The following GGT5 variants were observed in gnomAD, a reference collection of about 807,000 sequenced individuals.
GGT5 encodes the protein glutathione hydrolase 5 proenzyme.
A neutral mutation model predicts 58.1 loss-of-function variants in GGT5; 50 were observed. That is an observed-to-expected ratio of 0.86 (90% CI 0.69 to 1.09). GGT5 has a LOEUF of 1.09. Ranked by LOEUF, GGT5 falls within the 50% of genes least tolerant of loss-of-function variation. The pLI is 0.00. For missense variants in GGT5, 800 were observed against 789.4 expected (o/e 1.01, Z -0.16); for synonymous variants, 370 against 346.1 (o/e 1.07, Z -0.77).
At chr22:24,233,746 A>G (rs2048019541) in intron 2 of GGT5, 128 bp downstream of exon 2, 2 of 986,232 alleles carry the variant, frequency 2.0e-6, no homozygotes, top group Non-Finnish European at 3.1e-6. Context: ...GCTGAGGCAA[A>G]TGGGGCAGGG....
rs915915007 is a variant in GGT5, at chr22:24,244,718, C to T, written c.8G>A (p.Arg3Gln). Residue 3 changes from arginine (R) to glutamine (Q), a missense_variant, in exon 1 of 12, where the codon CGG (arginine) becomes CAG (glutamine). Transcript: ENST00000327365. MA[R>Q]GYGATVSLVL... ...TAGGCTGACCGTGGCCCCGTAGCCC[C>T]GGGCCATGGCTCTGCAGCCCAGGAG... is the stretch of plus-strand genomic sequence containing the variant. 24 of 1,608,772 alleles carry T rather than the reference C, an allele frequency of 1.5e-5. No individual in the cohort carries two copies. Among genetic ancestry groups the T allele is most frequent in the Non-Finnish European group, 2.0e-5 (23 of 1,178,026 alleles).
intron 6 of GGT5, among the ~76,000 whole-genome samples, chr22:24,228,243 G>C (rs1373861542): frequency 6.6e-6 from 1 of 151,886 alleles, no homozygotes; most frequent in Non-Finnish European, 1.5e-5. Flanking sequence ...AGGCTGCAGT[G>C]AGCCTTGACA....
At chr22:24,244,309 A>ACC in intron 1 of GGT5, 1 of 494,682 alleles carries the variant, frequency 2.0e-6, no homozygotes, top group Non-Finnish European at 3.6e-6. Context: ...ACACACACAC[A>ACC]CACACACCCA....
At chr22:24,239,106 G>A (rs1364325178) in intron 1 of GGT5, among the ~76,000 whole-genome samples, 3 of 147,554 alleles carry the variant, frequency 2.0e-5, no homozygotes, top group Admixed American at 7.0e-5. Flanking sequence ...TTGGGAGGCC[G>A]AGGCGGGTGT....
chr22:24,232,311 C>T (rs907006197), intron 4 of GGT5, 103 bp from the exon 5 acceptor site: 4 of 608,034 alleles, frequency 6.6e-6, no homozygotes, highest in African/African-American at 1.9e-5. Context: ...CAGTGGGGGG[C>T]GCCCTGGCCC....
Position 24,219,879 on chromosome 22 carries a change from T to C in GGT5, c.*91A>G. 2 of 1,316,938 alleles carry C rather than the reference T, an allele frequency of 1.5e-6. No individual in the cohort carries two copies. Among genetic ancestry groups the C allele is most frequent in the Non-Finnish European group, 2.1e-6 (2 of 933,318 alleles). The allele number at this position is 1,316,938 out of a possible 1,614,324, so 81.6% of individuals were successfully genotyped here. A position where few individuals can be genotyped will look rare whatever the true frequency, so the allele number is the denominator to read the frequency against. On this transcript the variant is annotated 3_prime_UTR_variant, in exon 12 of 12. Transcript: ENST00000327365. ...TGGACTCCCCTGCCAGGGGTCCAGA[T>C]CCTGCCAGAGTAGTTGGTCCCCCAG...
At chr22:24,225,978 C>T in intron 8 of GGT5, 98 bp downstream of exon 8, 3 of 843,794 alleles carry the variant, frequency 3.6e-6, no homozygotes, top group Non-Finnish European at 5.4e-6. Context: ...AAGCAAGGTG[C>T]TGCCCCGTGG....
chr22:24,244,328 T>G, intron 1 of GGT5: 17 of 512,732 alleles, frequency 3.3e-5, no homozygotes, highest in East Asian at 6.5e-5. Context: ...CACCCACACA[T>G]ACACATACCC....
chr22:24,226,766 C>A lies in GGT5; in HGVS notation c.903G>T (p.Gly301=). The A allele has an allele frequency of 6.2e-7, 1 of 1,613,928 alleles. No homozygotes were observed. The highest frequency in any genetic ancestry group is 1.1e-5 in the South Asian group (1 of 91,074). The change falls in exon 7 of 12, where the codon GGG becomes GGT. Residue 301 remains glycine, a splice_region_variant and synonymous_variant. Coordinates refer to ENST00000327365, the MANE Select transcript of GGT5 (RefSeq NM_004121.5). ...ILSFILNVLR[G]FNFSTESMAR... is the part of the protein sequence containing the mutation. ...CCATAGACTCTGTTGAGAAGTTGAA[C>A]CCTGGAGAGAGGTTGGGGCACAGGT...
At chr22:24,229,428 A>G (rs1454569460) in intron 6 of GGT5, among the ~76,000 whole-genome samples, 1 of 144,840 alleles carries the variant, frequency 6.9e-6, no homozygotes, top group Admixed American at 6.8e-5. Context: ...AAATGCTCTA[A>G]TGGACTCTGG....
intron 1 of GGT5, among the ~76,000 whole-genome samples, chr22:24,239,555 T>C (rs1316251571): frequency 1.3e-5 from 2 of 152,024 alleles, no homozygotes; most frequent in Admixed American, 1.3e-4. Flanking sequence ...AGCTTGGCCA[T>C]AAGATTGTTG....
chr22:24,241,785 C>T (rs1160047097), intron 1 of GGT5: 2 of 148,246 alleles, frequency 1.3e-5, no homozygotes, highest in African/African-American at 2.5e-5. Context: ...TTAAGATAAC[C>T]ATTAGAACAA....
chr22:24,220,924 CTT>C (rs2047571615), intron 11 of GGT5, among the ~76,000 whole-genome samples: 1 of 152,036 alleles, frequency 6.6e-6, no homozygotes, highest in African/African-American at 2.4e-5. Context: ...TGGCCCTGTG[CTT>C]ATAGTCCCAG....
rs900820493 is a variant in GGT5 at position 24,235,081 on chromosome 22, C to G, written c.174-1077G>C. Among the ~76,000 whole-genome samples the G allele has an allele frequency of 3.4e-3, 354 of 105,480 alleles. 1 individual carries two copies. The highest frequency in any genetic ancestry group is 0.012 in the African/African-American group (326 of 27,216). 69.2% of individuals were successfully genotyped at this position (105,480 alleles called of 152,430 possible). A position where few individuals can be genotyped will look rare whatever the true frequency, so the allele number is the denominator to read the frequency against. On this transcript the variant is annotated intron_variant, in intron 1 of 11. Transcript: ENST00000327365. Reference sequence around the variant, plus strand: ...TTTTTTTTTTTTTTTTTTTTTGAGACAGAGTTTCAATCTTCTTGCCCAGGC... The same window carrying G: ...TTTTTTTTTTTTTTTTTTTTTGAGAGAGAGTTTCAATCTTCTTGCCCAGGC...
intron 11 of GGT5, among the ~76,000 whole-genome samples, chr22:24,222,941 G>A (rs1047551833): frequency 1.3e-5 from 2 of 152,166 alleles, no homozygotes; most frequent in East Asian, 3.8e-4. Flanking sequence ...GCCGAGCGTG[G>A]TGGTGGGTGC....
intron 1 of GGT5, among the ~76,000 whole-genome samples, chr22:24,238,973 C>A (rs2048253158): frequency 1.3e-5 from 1 of 78,628 alleles, no homozygotes; most frequent in Non-Finnish European, 2.4e-5. Context: ...ATATATAGCC[C>A]ATGACACAGT....
At chr22:24,228,072 C>CAAACA (rs2047827822) in intron 6 of GGT5, among the ~76,000 whole-genome samples, 1 of 51,868 alleles carries the variant, frequency 1.9e-5, no homozygotes, top group African/African-American at 7.3e-5. Context: ...AAAAACAAAA[C>CAAACA]AAAAAAAAAA....
At chr22:24,238,627 C>CA (rs2048169365) in intron 1 of GGT5, among the ~76,000 whole-genome samples, 2 of 135,814 alleles carry the variant, frequency 1.5e-5, no homozygotes, top group Non-Finnish European at 3.1e-5. Context: ...TCACTTGAAC[C>CA]CGGGAGGCAG....
intron 11 of GGT5, among the ~76,000 whole-genome samples, chr22:24,221,801 C>T (rs2047597444): frequency 6.6e-6 from 1 of 152,034 alleles, no homozygotes; most frequent in Non-Finnish European, 1.5e-5. Context: ...CCACCGCGCG[C>T]AGCCAACTCC....
Sources: allele counts gnomAD v4.1 joint callset (sites outside exome capture counted in the v4.1 genomes callset), GRCh38; gene constraint gnomAD v4.1.1; transcripts MANE v1.5; gene names NCBI Gene and HGNC (gene_info 2026-07-23, HGNC 2026-07-21).